SLC38A8: variants seen among roughly 807,000 people sequenced by gnomAD.
The protein encoded by SLC38A8 is solute carrier family 38 member 8.
A neutral mutation model predicts 46.0 loss-of-function variants in SLC38A8; 65 were observed. That is an observed-to-expected ratio of 1.41 (90% CI 1.16 to 1.74). The LOEUF (loss-of-function observed/expected upper bound fraction) is 1.74, where lower values mean the gene tolerates loss of function less well. Ranked by LOEUF, SLC38A8 falls within the 40% of genes most tolerant of loss-of-function variation. The pLI, the probability that SLC38A8 is intolerant of heterozygous loss-of-function variation, is 0.00. For synonymous variants in SLC38A8, 447 were observed against 243.7 expected, an observed-to-expected ratio of 1.83 and a Z score of -7.77; for missense variants, 998 against 567.9, an observed-to-expected ratio of 1.76 and a Z score of -7.70.
chr16:84,012,763 C>A (rs1050066471), intron 10 of SLC38A8, among the ~76,000 whole-genome samples: 1 of 152,206 alleles, frequency 6.6e-6, no homozygotes, highest in Non-Finnish European at 1.5e-5. Flanking sequence ...GAAATCCCAA[C>A]CACAGACCCT....
At chr16:84,030,056 G>T (rs1053445525) in intron 5 of SLC38A8, among the ~76,000 whole-genome samples, 17 of 152,180 alleles carry the variant, frequency 1.1e-4, no homozygotes, top group African/African-American at 4.1e-4. Flanking sequence ...TGTAATTACT[G>T]AAAGTAAGAT....
chr16:84,011,711 G>C (rs1473909315), intron 10 of SLC38A8, among the ~76,000 whole-genome samples: 4 of 152,172 alleles, frequency 2.6e-5, no homozygotes, highest in Admixed American at 2.6e-4. Flanking sequence ...CTAATCTGAT[G>C]GTAGGTATCC....
intron 6 of SLC38A8, among the ~76,000 whole-genome samples, chr16:84,028,402 G>A (rs1037113728): frequency 2.0e-5 from 3 of 151,834 alleles, no homozygotes; most frequent in South Asian, 2.1e-4. Context: ...CCAACATAGT[G>A]AAACTCCCTC....
intron 3 of SLC38A8, among the ~76,000 whole-genome samples, 158 bp from the exon 4 acceptor site, chr16:84,033,627 G>A (rs772120189): frequency 2.6e-5 from 4 of 152,032 alleles, no homozygotes; most frequent in Admixed American, 6.6e-5. Flanking sequence ...GACAGGTCAC[G>A]TGCCCCACGC....
chr16:84,016,673 G>T lies in SLC38A8; in HGVS notation c.1008C>A (p.Ser336Arg). Residue 336 changes from serine (S) to arginine (R), a missense_variant, in exon 9 of 11, where the codon AGC becomes AGA. Physicochemically the swap from Ser to Arg is moderately radical, Grantham distance 110 (BLOSUM62 -1). Transcript: ENST00000299709. ...ACAGCCCTGAGGGGTCGGCCAGGGC[G>T]CTGGGCCCCCATCCCCCCAAGCAGC... ...RRSCLGGWGP[S>R]ALADPSGLWV... The T allele has an allele frequency of 6.2e-7, 1 of 1,613,454 alleles. No homozygotes were observed. Among genetic ancestry groups the T allele is most frequent in the Non-Finnish European group, 8.5e-7 (1 of 1,179,994 alleles).
rs143452185 is a variant in SLC38A8, at chr16:84,012,725, G to A, written c.1214+276C>T. 3.0e-3 allele frequency among the ~76,000 whole-genome samples: 453 copies of A among 152,298 alleles called. 2 individuals carry two copies. The highest frequency in any genetic ancestry group is 6.8e-3 in the South Asian group (33 of 4,828). Reference sequence around the variant, plus strand: ...CAAAGGAGGGTACAGATGCACCACTGGGTGCTTCCAGAGGCTGGAATCTAC... The same window carrying A: ...CAAAGGAGGGTACAGATGCACCACTAGGTGCTTCCAGAGGCTGGAATCTAC... On this transcript the variant is annotated intron_variant, in intron 10 of 10. Transcript: ENST00000299709.
intron 6 of SLC38A8, among the ~76,000 whole-genome samples, chr16:84,028,580 AAAAG>A (rs1390226250): frequency 1.3e-5 from 2 of 151,336 alleles, no homozygotes; most frequent in African/African-American, 4.8e-5. Context: ...GAAAAAAAAA[AAAAG>A]AAAGAAATGG....
chr16:84,015,585 C>G lies in SLC38A8; in HGVS notation c.1162+934G>C, dbSNP rs1482732797. Among the ~76,000 whole-genome samples the G allele has an allele frequency of 4.0e-5, 6 of 150,594 alleles. No homozygotes were observed. The South Asian group carries it at 1.1e-3, about 26-fold the overall frequency. On this transcript the variant is annotated intron_variant, in intron 9 of 10. Transcript: ENST00000299709. Reference sequence around the variant, plus strand: ...ACTAGCTGTGCCCCCGGCGGGGGTTCAGGGCCTCGGTCTTCGCATCTATGG... The same window carrying G: ...ACTAGCTGTGCCCCCGGCGGGGGTTGAGGGCCTCGGTCTTCGCATCTATGG...
chr16:84,032,006 G>C, intron 4 of SLC38A8, 38 bp from the exon 5 acceptor site: 2 of 1,560,870 alleles, frequency 1.3e-6, no homozygotes, highest in Non-Finnish European at 1.8e-6. Context: ...CGCAGTGGGT[G>C]ACATGTGCGG....
At chr16:84,033,025 T>C (rs1011036751) in intron 4 of SLC38A8, among the ~76,000 whole-genome samples, 3 of 148,282 alleles carry the variant, frequency 2.0e-5, no homozygotes, top group African/African-American at 7.5e-5. Context: ...TGGGTGTGTA[T>C]GTGTGGGTGT....
chr16:84,018,459 T>C (rs1483208024), intron 7 of SLC38A8, among the ~76,000 whole-genome samples: 1 of 152,074 alleles, frequency 6.6e-6, no homozygotes, highest in Non-Finnish European at 1.5e-5. Context: ...GACCTCGTGA[T>C]CCACCCGCCC....
intron 10 of SLC38A8, among the ~76,000 whole-genome samples, chr16:84,011,767 C>G (rs1369032508): frequency 6.6e-6 from 1 of 152,122 alleles, no homozygotes; most frequent in Non-Finnish European, 1.5e-5. Context: ...GTCTGTGGTC[C>G]CAGCTACTCA....
intron 4 of SLC38A8, among the ~76,000 whole-genome samples, 197 bp from the exon 5 acceptor site, chr16:84,032,165 TAG>T (rs753844328): frequency 3.2e-4 from 33 of 103,012 alleles, no homozygotes; most frequent in Non-Finnish European, 6.2e-4. Context: ...GGGTCAGATG[TAG>T]AGTTTTGTTG....
At position 84,009,812 on chromosome 16, in the gene SLC38A8, G is replaced by A. The variant is rs114304006; in HGVS notation, c.1280C>T (p.Thr427Met). 3,186 of 1,613,912 alleles carry A rather than the reference G, an allele frequency of 2.0e-3. 50 individuals carry two copies. The African/African-American group carries it at 0.037, about 19-fold the overall frequency. The change falls in exon 11 of 11, where the codon ACG becomes ATG. Residue 427 changes from threonine (T) to methionine (M), a missense_variant. By Grantham distance (81) the Thr-to-Met change is moderately conservative. Coordinates refer to ENST00000299709, the MANE Select transcript of SLC38A8 (RefSeq NM_001080442.3). ...GAACATCTCCCAGACCGCTGCCGCCGTGCTCTGCCCAAAGATGAAGGTGCC... is the reference window on the plus strand; with the variant it reads ...GAACATCTCCCAGACCGCTGCCGCCATGCTCTGCCCAAAGATGAAGGTGCC... ...LVGTFIFGQS[T>M]AAAVWEMF is the part of the protein sequence containing the mutation.
rs775199543 is a variant in SLC38A8 at position 84,013,037 on chromosome 16, C to T, written c.1178G>A (p.Cys393Tyr). ...IFIFPGLCLI[C>Y]AMGVEPIGPR... The stretch of plus-strand genomic sequence containing the variant: ...TCCTATAGGCTCGACACCCATTGCA[C>T]AGATGAGGCACAAACCTGCAAAAAA... Residue 393 changes from cysteine to tyrosine, a missense_variant, in exon 10 of 11, where the codon TGT (cysteine) becomes TAT (tyrosine). Transcript: ENST00000299709. 1.9e-6 allele frequency: 3 copies of T among 1,614,188 alleles called. No homozygotes were observed. The highest frequency in any genetic ancestry group is 2.5e-6 in the Non-Finnish European group (3 of 1,179,998).
In SLC38A8 at chr16:84,017,538, G is replaced by T. The variant is rs556505622; in HGVS notation, c.806-251C>A. 2.6e-5 allele frequency among the ~76,000 whole-genome samples: 4 copies of T among 152,270 alleles called. No individual in the cohort carries two copies. In the South Asian group the frequency reaches 6.2e-4, roughly 24 times the overall value. ...CAAATCGCTCACAGAGCTGGTGCAC[G>T]GAGCTCACCCACAGTGCGTGTGTTG... On this transcript the variant is annotated intron_variant, in intron 7 of 10. Coordinates refer to ENST00000299709, the MANE Select transcript of SLC38A8 (RefSeq NM_001080442.3).
intron 6 of SLC38A8, 66 bp from the exon 7 acceptor site, chr16:84,022,955 C>A: frequency 8.4e-7 from 1 of 1,184,876 alleles, no homozygotes; most frequent in Non-Finnish European, 1.2e-6. Flanking sequence ...CGAAAAAAAA[C>A]TCATATCCAA....
chr16:84,016,706 C>A lies in SLC38A8; in HGVS notation c.975G>T (p.Trp325Cys). The A allele has an allele frequency of 1.2e-6, 2 of 1,612,992 alleles. No individual in the cohort carries two copies. Among genetic ancestry groups the A allele is most frequent in the Non-Finnish European group, 1.7e-6 (2 of 1,179,902 alleles). ...FLGRSVMQDF[W>C]RRSCLGGWGP... ...CCCATCCCCCCAAGCAGCTCCTCCTCCAGAAGTCCTGCATCACTGACCTGG... is the reference window on the plus strand; with the variant it reads ...CCCATCCCCCCAAGCAGCTCCTCCTACAGAAGTCCTGCATCACTGACCTGG... Residue 325 changes from tryptophan to cysteine, a missense_variant, in exon 9 of 11, where the codon TGG (tryptophan) becomes TGT (cysteine). Transcript: ENST00000299709.
chr16:84,016,655 T>C lies in SLC38A8; in HGVS notation c.1026A>G (p.Ser342=), dbSNP rs746308512. The change falls in exon 9 of 11, where the codon TCA becomes TCG. Residue 342 remains serine, a synonymous_variant. Transcript: ENST00000299709. ...GWGPSALADP[S]GLWVRMPLTI... is the part of the protein sequence containing the mutation. ...TCAGCGGCATCCGGACCCACAGCCC[T>C]GAGGGGTCGGCCAGGGCGCTGGGCC... 4 of 1,613,796 alleles carry C rather than the reference T, an allele frequency of 2.5e-6. No individual in the cohort carries two copies. The highest frequency in any genetic ancestry group is 3.3e-4 in the Middle Eastern group (2 of 6,040).
Sources: gnomAD v4.1 joint callset for allele counts (sites outside exome capture counted in the v4.1 genomes callset) on GRCh38, gnomAD v4.1.1 for gene constraint, MANE v1.5 for transcripts, NCBI Gene and HGNC (gene_info 2026-07-23, HGNC 2026-07-21) for gene names.